The following TAB2 variants were observed in gnomAD, a reference collection of about 807,000 sequenced individuals.
The protein encoded by TAB2 is TGF-beta activated kinase 1 (MAP3K7) binding protein 2, also known as TGF-beta-activated kinase 1 and MAP3K7-binding protein 2.
In TAB2, 3 loss-of-function variants were observed where a neutral mutation model predicts 65.0. The observed-to-expected ratio is 0.05, with a 90% CI of 0.02 to 0.12. The LOEUF is 0.12. Ranked by LOEUF, TAB2 falls within the 10% of genes least tolerant of loss-of-function variation. TAB2 has a pLI of 1.00. For missense variants in TAB2, 623 were observed against 840.3 expected (o/e 0.74, Z 3.20); for synonymous variants, 298 against 285.1 (o/e 1.05, Z -0.46).
chr6:149,404,562 T>C (rs969380489), intron 6 of TAB2, among the ~76,000 whole-genome samples: 2 of 152,174 alleles, frequency 1.3e-5, no homozygotes, highest in African/African-American at 2.4e-5. Context: ...TAAAACAGTA[T>C]GGTACTGACA....
At chr6:149,349,175 C>A (rs1165761535) in intron 1 of TAB2, among the ~76,000 whole-genome samples, 3 of 151,908 alleles carry the variant, frequency 2.0e-5, no homozygotes, top group African/African-American at 4.8e-5. Flanking sequence ...AACCCCAGTG[C>A]TTTGGGAGAC....
At chr6:149,288,095 A>G (rs1402597434) in intron 1 of TAB2, among the ~76,000 whole-genome samples, 1 of 152,224 alleles carries the variant, frequency 6.6e-6, no homozygotes, top group Non-Finnish European at 1.5e-5. Flanking sequence ...CTATGGGCCT[A>G]GTACTATGCA....
chr6:149,339,844 C>A (rs886280265), intron 1 of TAB2, among the ~76,000 whole-genome samples: 2 of 152,106 alleles, frequency 1.3e-5, no homozygotes, highest in East Asian at 3.9e-4. Context: ...CTCAGGTGAT[C>A]CACCCGCCTC....
At chr6:149,266,663 CA>C (rs1231097397) in intron 1 of TAB2, among the ~76,000 whole-genome samples, 1 of 152,166 alleles carries the variant, frequency 6.6e-6, no homozygotes, top group Non-Finnish European at 1.5e-5. Context: ...GCACCCTGAC[CA>C]AATTGGTTCG....
chr6:149,410,037 T>TC lies in TAB2; in HGVS notation c.*322dup, dbSNP rs924065038. ...CACCTAGGTGTTCCCAATACCTTTT[T>TC]CCCCTCATGTCACTACTGAATTTTG... On this transcript the variant is annotated 3_prime_UTR_variant, in exon 7 of 7. Transcript: ENST00000637181. The TC allele has an allele frequency of 1.1e-5, 4 of 358,360 alleles. No homozygotes were observed. The highest frequency in any genetic ancestry group is 2.1e-5 in the Non-Finnish European group (4 of 193,844). The allele number at this position is 358,360 out of a possible 1,614,324, so 22.2% of individuals were successfully genotyped here.
intron 1 of TAB2, among the ~76,000 whole-genome samples, chr6:149,224,401 GAT>G: frequency 6.6e-6 from 1 of 152,170 alleles, no homozygotes; most frequent in South Asian, 2.1e-4. Context: ...CTTTTTCCTG[GAT>G]CAAGTCAAAT....
At chr6:149,254,534 G>C (rs73781721) in intron 1 of TAB2, among the ~76,000 whole-genome samples, 128 of 152,012 alleles carry the variant, frequency 8.4e-4, no homozygotes, top group African/African-American at 3.0e-3. Context: ...GAGTGTTCAG[G>C]CATAAGGCTC....
At chr6:149,354,303 A>G (rs976906555) in intron 1 of TAB2, among the ~76,000 whole-genome samples, 1 of 152,190 alleles carries the variant, frequency 6.6e-6, no homozygotes, top group African/African-American at 2.4e-5. Flanking sequence ...GATTGTGCAA[A>G]TCTCAAAACT....
At chr6:149,397,111 A>G (rs565778166) in intron 3 of TAB2, among the ~76,000 whole-genome samples, 2 of 152,344 alleles carry the variant, frequency 1.3e-5, no homozygotes, top group South Asian at 2.1e-4. Context: ...AAAAAGTGGC[A>G]TTTGTTTAAA....
At chr6:149,257,493 A>C (rs1778061796) in intron 1 of TAB2, 1 of 152,106 alleles carries the variant, frequency 6.6e-6, no homozygotes, top group Non-Finnish European at 1.5e-5. Flanking sequence ...TGAGACCCTC[A>C]GTGTATGGAC....
intron 2 of TAB2, among the ~76,000 whole-genome samples, chr6:149,377,429 C>T (rs559789156): frequency 1.5e-3 from 220 of 151,722 alleles, no homozygotes; most frequent in South Asian, 3.3e-3. Flanking sequence ...GCTAGTTCTT[C>T]TGGAGGCTAC....
At chr6:149,338,897 A>G (rs1212513478) in intron 1 of TAB2, among the ~76,000 whole-genome samples, 1 of 152,206 alleles carries the variant, frequency 6.6e-6, no homozygotes, top group Admixed American at 6.5e-5. Flanking sequence ...CTATGGCTAT[A>G]TTTATTATAA....
chr6:149,341,551 G>A (rs1447201282), intron 1 of TAB2, among the ~76,000 whole-genome samples: 2 of 152,166 alleles, frequency 1.3e-5, no homozygotes, highest in Non-Finnish European at 2.9e-5. Flanking sequence ...AGGGTGGGTA[G>A]TGATATTCCA....
chr6:149,374,632 T>C (rs772967593), intron 2 of TAB2, among the ~76,000 whole-genome samples: 2 of 152,234 alleles, frequency 1.3e-5, no homozygotes, highest in Non-Finnish European at 2.9e-5. Context: ...TGGATCAAGC[T>C]GACAACATCT....
At chr6:149,302,363 TA>T (rs1204958617) in intron 1 of TAB2, among the ~76,000 whole-genome samples, 2 of 152,226 alleles carry the variant, frequency 1.3e-5, no homozygotes, top group Admixed American at 1.3e-4. Context: ...TATCTATGTA[TA>T]TTTTTGAAGC....
chr6:149,363,025 T>C (rs1487768598), intron 1 of TAB2, among the ~76,000 whole-genome samples: 1 of 152,226 alleles, frequency 6.6e-6, no homozygotes, highest in Admixed American at 6.5e-5. Context: ...AAATTAAAAT[T>C]ATACTTTTCT....
chr6:149,235,281 C>T (rs1450018783), intron 1 of TAB2, among the ~76,000 whole-genome samples: 1 of 152,178 alleles, frequency 6.6e-6, no homozygotes, highest in Non-Finnish European at 1.5e-5. Flanking sequence ...AGAAACTGGG[C>T]CCTGTGCCAA....
chr6:149,265,098 G>GA (rs35134622), intron 1 of TAB2, among the ~76,000 whole-genome samples: 5,155 of 143,434 alleles, frequency 0.036, 267 homozygotes, highest in African/African-American at 0.12. Context: ...CTATGAAAAT[G>GA]AAAAAAAAAA....
chr6:149,242,201 C>G (rs777041388), intron 1 of TAB2, among the ~76,000 whole-genome samples: 3 of 152,190 alleles, frequency 2.0e-5, no homozygotes, highest in African/African-American at 7.2e-5. Flanking sequence ...GATACCTATT[C>G]CAGTCTTTGG....
Sources: allele counts gnomAD v4.1 joint callset (sites outside exome capture counted in the v4.1 genomes callset), GRCh38; gene constraint gnomAD v4.1.1; transcripts MANE v1.5; gene names NCBI Gene and HGNC (gene_info 2026-07-23, HGNC 2026-07-21).